The following STXBP5 variants were observed in gnomAD, a reference collection of about 807,000 sequenced individuals.
STXBP5 encodes syntaxin binding protein 5, also known as syntaxin-binding protein 5.
Under a neutral mutation model 152.4 loss-of-function variants are expected in STXBP5, and 50 were observed. That is an observed-to-expected ratio of 0.33 (90% confidence interval 0.26 to 0.42). STXBP5 has a LOEUF of 0.42. STXBP5 is among the 10% of genes least tolerant of loss of function. The pLI is 1.00. For missense variants in STXBP5, 1,167 were observed against 1,388.6 expected, an observed-to-expected ratio of 0.84 and a Z score of 2.54; for synonymous variants, 492 against 494.7, an observed-to-expected ratio of 0.99 and a Z score of 0.07.
intron 16 of STXBP5, among the ~76,000 whole-genome samples, chr6:147,322,029 T>C (rs1782962243): frequency 6.6e-6 from 1 of 152,216 alleles, no homozygotes; most frequent in Non-Finnish European, 1.5e-5. Context: ...CTGTGTGTCC[T>C]GGTCACTTAA....
intron 3 of STXBP5, among the ~76,000 whole-genome samples, chr6:147,238,943 A>G (rs1383394573): frequency 6.6e-6 from 1 of 152,208 alleles, no homozygotes; most frequent in Non-Finnish European, 1.5e-5. Context: ...GAGATACTAA[A>G]TTATACTTTA....
rs1562406569 is a variant in STXBP5, at chr6:147,206,051, G to A, written c.231G>A (p.Gln77=). 2 of 1,613,934 alleles carry A rather than the reference G, an allele frequency of 1.2e-6. No individual in the cohort carries two copies. The highest frequency in any genetic ancestry group is 2.2e-5 in the East Asian group (1 of 44,882). The change falls in exon 2 of 28, where the codon CAG becomes CAA. Residue 77 remains glutamine, a synonymous_variant. Coordinates refer to ENST00000321680, the MANE Select transcript of STXBP5 (RefSeq NM_001127715.4). ...AGAAGATCCTGGCAGTGGGAACTCA[G>A]ACTGGTGCTTTAAGGCTGTATCCTT... is the stretch of plus-strand genomic sequence containing the variant. ...PVQKILAVGT[Q]TGALRLFGRP... is the part of the protein sequence containing the mutation.
At chr6:147,308,030 A>G (rs1464252222) in intron 9 of STXBP5, among the ~76,000 whole-genome samples, 1 of 152,200 alleles carries the variant, frequency 6.6e-6, no homozygotes, top group Non-Finnish European at 1.5e-5. Context: ...AACAGGTTAT[A>G]TTTAAAAGCA....
intron 16 of STXBP5, among the ~76,000 whole-genome samples, chr6:147,322,314 C>T (rs188401933): frequency 6.6e-6 from 1 of 152,246 alleles, no homozygotes; most frequent in Admixed American, 6.5e-5. Flanking sequence ...TGGGTATTTC[C>T]CTAAGAATAA....
intron 2 of STXBP5, among the ~76,000 whole-genome samples, chr6:147,233,611 T>C (rs1459582023): frequency 6.6e-6 from 1 of 151,742 alleles, no homozygotes; most frequent in African/African-American, 2.4e-5. Flanking sequence ...TGCTGATTGG[T>C]GCCAGAAAGA....
At chr6:147,206,355 A>G (rs972850644) in intron 2 of STXBP5, among the ~76,000 whole-genome samples, 2 of 152,182 alleles carry the variant, frequency 1.3e-5, no homozygotes, top group Non-Finnish European at 2.9e-5. Flanking sequence ...TCTAAGGAAA[A>G]ATATATCTGC....
chr6:147,372,220 A>G (rs1036721106), intron 25 of STXBP5, among the ~76,000 whole-genome samples: 40 of 152,054 alleles, frequency 2.6e-4, no homozygotes, highest in African/African-American at 9.4e-4. Context: ...CCCATATGCA[A>G]TCTGGGTGGA....
In STXBP5 at chr6:147,332,447, G is replaced by A. The variant is rs73586348; in HGVS notation, c.2081-1710G>A. 1.8e-3 allele frequency among the ~76,000 whole-genome samples: 273 copies of A among 152,296 alleles called. 1 individual carries two copies. Among genetic ancestry groups the A allele is most frequent in the African/African-American group, 6.0e-3 (248 of 41,572 alleles). ...CTAGATGATTTCAGGTTTAAAGGAC[G>A]TGAGAGAGCTATTATCCATGAGGAT... is the stretch of plus-strand genomic sequence containing the variant. On this transcript the variant is annotated intron_variant, in intron 18 of 27. Transcript: ENST00000321680.
chr6:147,277,590 G>A (rs956640568), intron 7 of STXBP5, among the ~76,000 whole-genome samples: 2 of 152,054 alleles, frequency 1.3e-5, no homozygotes, highest in African/African-American at 4.8e-5. Context: ...TAATTACTGT[G>A]AGAGATGAGG....
chr6:147,217,867 A>G (rs1777255664), intron 2 of STXBP5, among the ~76,000 whole-genome samples: 1 of 151,986 alleles, frequency 6.6e-6, no homozygotes, highest in South Asian at 2.1e-4. Context: ...TGATGTGCAC[A>G]TTTTTCATGG....
chr6:147,255,906 CATG>C (rs1316262830), intron 4 of STXBP5, among the ~76,000 whole-genome samples: 1 of 152,118 alleles, frequency 6.6e-6, no homozygotes. Flanking sequence ...TCTTAAGATA[CATG>C]ATAAGCAGGT....
chr6:147,207,862 C>T (rs1268090492), intron 2 of STXBP5, among the ~76,000 whole-genome samples: 1 of 152,080 alleles, frequency 6.6e-6, no homozygotes, highest in Admixed American at 6.5e-5. Flanking sequence ...CAATCTGGCC[C>T]TTTTATAATT....
chr6:147,219,712 A>C (rs1777358716), intron 2 of STXBP5, among the ~76,000 whole-genome samples: 1 of 151,338 alleles, frequency 6.6e-6, no homozygotes, highest in South Asian at 2.1e-4. Flanking sequence ...TTTAATGTCC[A>C]TGGAAATTAA....
At chr6:147,320,045 T>G (rs576968221) in intron 16 of STXBP5, among the ~76,000 whole-genome samples, 2 of 151,948 alleles carry the variant, frequency 1.3e-5, no homozygotes, top group South Asian at 4.2e-4. Flanking sequence ...TTTCGGCATG[T>G]TACCCAGGGT....
rs150336355 is a variant in STXBP5, at chr6:147,363,725, A to G, written c.2915+21A>G. ...TTTAGGTAAGAGTTAGATATGTTTT[A>G]AAACACAGATATAGCATTTCCTCCC... is the stretch of plus-strand genomic sequence containing the variant. On this transcript the variant is annotated intron_variant, in intron 24 of 27. Coordinates refer to ENST00000321680, the MANE Select transcript of STXBP5 (RefSeq NM_001127715.4). 1,103 of 1,580,348 alleles carry G rather than the reference A, an allele frequency of 7.0e-4. 6 individuals are homozygous for G. Among genetic ancestry groups the G allele is most frequent in the Middle Eastern group, 6.0e-3 (35 of 5,870 alleles).
chr6:147,282,563 A>C (rs1582886697), intron 8 of STXBP5, among the ~76,000 whole-genome samples: 1 of 152,194 alleles, frequency 6.6e-6, no homozygotes. Flanking sequence ...GTTCCATATA[A>C]TGACTCTGCG....
intron 2 of STXBP5, among the ~76,000 whole-genome samples, chr6:147,233,500 T>A (rs1187822149): frequency 1.3e-5 from 2 of 151,804 alleles, no homozygotes; most frequent in Non-Finnish European, 3.0e-5. Flanking sequence ...TTTTTATGAT[T>A]TTCTACAGTA....
intron 1 of STXBP5, 96 bp from the exon 2 acceptor site, chr6:147,205,875 T>C: frequency 1.2e-6 from 1 of 846,306 alleles, no homozygotes; most frequent in Admixed American, 2.0e-5. Flanking sequence ...TTTGCATCAG[T>C]GGTAGTGGTT....
At chr6:147,284,279 A>G (rs969524798) in intron 8 of STXBP5, among the ~76,000 whole-genome samples, 1 of 152,184 alleles carries the variant, frequency 6.6e-6, no homozygotes, top group African/African-American at 2.4e-5. Context: ...TGTAACAAGC[A>G]TAACACTTAA....
Sources: gnomAD v4.1 joint callset for allele counts (sites outside exome capture counted in the v4.1 genomes callset) on GRCh38, gnomAD v4.1.1 for gene constraint, MANE v1.5 for transcripts, NCBI Gene and HGNC (gene_info 2026-07-23, HGNC 2026-07-21) for gene names.